The following CD4 variants were observed in gnomAD, a reference collection of about 807,000 sequenced individuals.
CD4 encodes the protein T-cell surface glycoprotein CD4.
CD4 carries 25 observed loss-of-function variants against 50.5 expected under a neutral mutation model. The observed-to-expected ratio is 0.49, with a 90% CI of 0.36 to 0.69. CD4 has a LOEUF of 0.69. Ranked by LOEUF, CD4 falls within the 30% of genes least tolerant of loss-of-function variation. The pLI, the probability that CD4 is intolerant of heterozygous loss-of-function variation, is 0.00. For missense variants in CD4, 456 were observed against 548.5 expected (o/e 0.83, Z 1.68); for synonymous variants, 207 against 221.9 (o/e 0.93, Z 0.60).
chr12:6,814,623 G>A (rs1380557202), intron 4 of CD4, 136 bp from the exon 5 acceptor site: 3 of 776,936 alleles, frequency 3.9e-6, no homozygotes, highest in Non-Finnish European at 6.9e-6. Context: ...TATCTTGGCT[G>A]GGGGTGCGCA....
chr12:6,804,812 C>T (rs950933547), intron 3 of CD4, among the ~76,000 whole-genome samples: 7 of 151,740 alleles, frequency 4.6e-5, no homozygotes, highest in East Asian at 2.0e-4. Context: ...GTCAGGAGAT[C>T]GAGACCATCC....
intron 3 of CD4, among the ~76,000 whole-genome samples, chr12:6,801,710 G>GACCA (rs1555115316): frequency 1.3e-5 from 2 of 150,444 alleles, no homozygotes; most frequent in Non-Finnish European, 3.0e-5. Context: ...ACAGGCGTAT[G>GACCA]CCACCATGCC....
chr12:6,815,902 G>T, intron 5 of CD4, 154 bp from the exon 6 acceptor site: 2 of 1,521,342 alleles, frequency 1.3e-6, no homozygotes, highest in South Asian at 1.2e-5. Flanking sequence ...AGGCTGGAGA[G>T]GTAGGAAGGA....
chr12:6,802,932 C>T (rs782746596), intron 3 of CD4, among the ~76,000 whole-genome samples: 7 of 151,910 alleles, frequency 4.6e-5, no homozygotes, highest in Non-Finnish European at 1.0e-4. Flanking sequence ...GACAGGGTTC[C>T]ACCATGCTAG....
intron 1 of CD4, among the ~76,000 whole-genome samples, chr12:6,794,792 T>G (rs560331383): frequency 1.0e-4 from 14 of 139,864 alleles, no homozygotes; most frequent in African/African-American, 1.8e-4. Flanking sequence ...TTTTGTTTTT[T>G]TTTTTTTTTT....
At chr12:6,806,355 G>A (rs923351301) in intron 3 of CD4, among the ~76,000 whole-genome samples, 2 of 151,356 alleles carry the variant, frequency 1.3e-5, no homozygotes, top group South Asian at 2.1e-4. Flanking sequence ...CCCAGGCTGG[G>A]TGCACCTGTA....
intron 3 of CD4, among the ~76,000 whole-genome samples, chr12:6,802,090 T>C (rs1427560095): frequency 6.6e-6 from 1 of 151,632 alleles, no homozygotes; most frequent in Non-Finnish European, 1.5e-5. Flanking sequence ...GCCAGGCTGG[T>C]CTTGAACTCC....
At position 6,819,404 on chromosome 12, in the gene CD4, G is replaced by A; in HGVS notation, c.*75G>A. On this transcript the variant is annotated 3_prime_UTR_variant, in exon 10 of 10. Transcript: ENST00000011653. ...CGCGTTTCCTGCCTGCGGACCAGAT[G>A]AATGTAGCAGATCCCCAGCCTCTGG... 1.4e-6 allele frequency: 2 copies of A among 1,394,638 alleles called. No homozygotes were observed. Among genetic ancestry groups the A allele is most frequent in the Non-Finnish European group, 1.0e-6 (1 of 980,712 alleles). The allele number at this position is 1,394,638 out of a possible 1,614,324, so 86.4% of individuals were successfully genotyped here.
Position 6,814,294 on chromosome 12 carries a change from T to C in CD4, c.367T>C (p.Phe123Leu). Residue 123 changes from phenylalanine to leucine, a missense_variant, in exon 4 of 10, where the codon TTC (phenylalanine) becomes CTC (leucine). Transcript: ENST00000011653. ...DQKEEVQLLV[F>L]GLTANSDTHL... ...GAAGGAGGAGGTGCAATTGCTAGTG[T>C]TCGGATGTGAGTGGGGCAGGTGGGG... 1 of 1,613,716 alleles carries C rather than the reference T, an allele frequency of 6.2e-7. No individual in the cohort carries two copies. The highest frequency in any genetic ancestry group is 8.5e-7 in the Non-Finnish European group (1 of 1,179,754).
At chr12:6,810,922 G>A (rs2137900786) in intron 3 of CD4, among the ~76,000 whole-genome samples, 1 of 152,212 alleles carries the variant, frequency 6.6e-6, no homozygotes, top group East Asian at 1.9e-4. Context: ...AAGGTGTGGG[G>A]TGGATTGGGT....
intron 3 of CD4, among the ~76,000 whole-genome samples, chr12:6,811,028 G>T (rs1555116916): frequency 1.3e-5 from 2 of 152,116 alleles, no homozygotes; most frequent in Non-Finnish European, 2.9e-5. Context: ...GAGCAGTGGG[G>T]AAGAGGACTG....
At chr12:6,810,589 A>G (rs73258705) in intron 3 of CD4, among the ~76,000 whole-genome samples, 140 of 152,338 alleles carry the variant, frequency 9.2e-4, no homozygotes, top group African/African-American at 3.3e-3. Flanking sequence ...CCAAAGACAG[A>G]GTCTGGGACA....
chr12:6,815,874 G>A (rs975631725), intron 5 of CD4, 182 bp from the exon 6 acceptor site: 339 of 1,520,326 alleles, frequency 2.2e-4, no homozygotes, highest in Non-Finnish European at 2.7e-4. Flanking sequence ...GAAAATGCTG[G>A]GTGGAAGAAG....
chr12:6,810,080 G>T (rs782235093), intron 3 of CD4, among the ~76,000 whole-genome samples: 1 of 152,106 alleles, frequency 6.6e-6, no homozygotes, highest in South Asian at 2.1e-4. Context: ...AGTAAAGACT[G>T]GGTTTCACCA....
chr12:6,793,668 CTATCTATCT>C (rs1476824281), intron 1 of CD4, among the ~76,000 whole-genome samples: 5 of 90,852 alleles, frequency 5.5e-5, no homozygotes, highest in Non-Finnish European at 1.1e-4. Context: ...ATCTATCTAT[CTATCTATCT>C]ATCTATCTAT....
rs782244887 is a variant in CD4 at position 6,807,330 on chromosome 12, A to T, written c.215-6812A>T. Among the ~76,000 whole-genome samples, 10 of 152,310 alleles carry T rather than the reference A, an allele frequency of 6.6e-5. No individual in the cohort carries two copies. The South Asian group carries it at 2.1e-3, about 32-fold the overall frequency. On this transcript the variant is annotated intron_variant, in intron 3 of 9. Transcript: ENST00000011653. ...TAGCCAACAATTAGAAACAATCTAGATGTCCTTCAACTGGTGAATGATTAC... is the reference window on the plus strand; with the variant it reads ...TAGCCAACAATTAGAAACAATCTAGTTGTCCTTCAACTGGTGAATGATTAC...
chr12:6,800,069 C>A lies in CD4; in HGVS notation c.-67-3C>A. ...GCTGACTAATGATTGGCATTTCCCT[C>A]AGGCCCTGCCATTTCTGTGGGCTCA... On this transcript the variant is annotated splice_polypyrimidine_tract_variant and splice_region_variant and intron_variant, in intron 1 of 9. Coordinates refer to ENST00000011653, the MANE Select transcript of CD4 (RefSeq NM_000616.5). The A allele has an allele frequency of 1.5e-6, 2 of 1,362,488 alleles. No individual in the cohort carries two copies. The highest frequency in any genetic ancestry group is 2.1e-6 in the Non-Finnish European group (2 of 951,726). 84.4% of individuals were successfully genotyped at this position (1,362,488 alleles called of 1,614,324 possible).
intron 3 of CD4, among the ~76,000 whole-genome samples, chr12:6,811,491 C>CTTTTTTTTTTTTTTTTT (rs11318741): frequency 1.4e-4 from 16 of 111,018 alleles, no homozygotes; most frequent in Non-Finnish European, 1.9e-4. Flanking sequence ...TTTTCTTTTT[C>CTTTTTTTTTTTTTTTTT]TTTTTTTTTT....
rs201257539 is a variant in CD4 at position 6,816,146 on chromosome 12, C to T, written c.698C>T (p.Thr233Met). 1.4e-5 allele frequency: 22 copies of T among 1,614,168 alleles called. No individual in the cohort carries two copies. The highest frequency in any genetic ancestry group is 6.7e-5 in the East Asian group (3 of 44,894). ...FPLAFTVEKLTGSGELWWQAE... is the reference protein window; with the variant it reads ...FPLAFTVEKLMGSGELWWQAE... ...CTCGCCTTTACAGTTGAAAAGCTGA[C>T]GGGCAGTGGCGAGCTGTGGTGGCAG... Residue 233 changes from threonine to methionine, a missense_variant, in exon 6 of 10, where the codon ACG becomes ATG. Thr to Met is a moderately conservative substitution (Grantham distance 81, BLOSUM62 -1). Transcript: ENST00000011653. The surrounding 1 kb of genome is among the most constrained non-coding windows in gnomAD (Gnocchi z 4.9).
Sources: allele counts gnomAD v4.1 joint callset (sites outside exome capture counted in the v4.1 genomes callset), GRCh38; gene constraint gnomAD v4.1.1; non-coding constraint Gnocchi (gnomAD v3.1); transcripts MANE v1.5; gene names NCBI Gene and HGNC (gene_info 2026-07-23, HGNC 2026-07-21).